PALLD: variants seen among roughly 807,000 people sequenced by gnomAD.
The protein encoded by PALLD is palladin.
PALLD carries 61 observed loss-of-function variants against 123.5 expected under a neutral mutation model. The observed-to-expected ratio is 0.49, with a 90% CI of 0.40 to 0.61. The LOEUF is 0.61. Among genes scored for constraint, PALLD ranks in the 20% least tolerant of loss-of-function variants. The pLI, the probability that PALLD is intolerant of heterozygous loss-of-function variation, is 0.00. For missense variants in PALLD, 1,273 were observed against 1,377.0 expected (o/e 0.92, Z 1.20); for synonymous variants, 465 against 496.4 (o/e 0.94, Z 0.84).
chr4:168,667,126 T>C (rs1375342091), intron 2 of PALLD, among the ~76,000 whole-genome samples: 1 of 152,186 alleles, frequency 6.6e-6, no homozygotes, highest in Non-Finnish European at 1.5e-5. Context: ...ACTCATTTGC[T>C]TTATTAACTT....
chr4:168,907,035 T>TTCTA (rs984693922), intron 15 of PALLD, among the ~76,000 whole-genome samples: 1 of 152,150 alleles, frequency 6.6e-6, no homozygotes, highest in Non-Finnish European at 1.5e-5. Context: ...TCAGCTGGAA[T>TTCTA]TCTAGCTCTG....
intron 2 of PALLD, among the ~76,000 whole-genome samples, chr4:168,651,636 C>G (rs556435150): frequency 6.6e-6 from 1 of 152,092 alleles, no homozygotes; most frequent in Non-Finnish European, 1.5e-5. Flanking sequence ...ACCTCTAATC[C>G]CAGCAGAATT....
chr4:168,656,178 A>G (rs111327111), intron 2 of PALLD, among the ~76,000 whole-genome samples: 14 of 151,942 alleles, frequency 9.2e-5, no homozygotes, highest in African/African-American at 2.7e-4. Flanking sequence ...CTGAATGTGC[A>G]CCTCTAGCTG....
At chr4:168,557,552 T>C (rs1338562091) in intron 2 of PALLD, among the ~76,000 whole-genome samples, 1 of 152,194 alleles carries the variant, frequency 6.6e-6, no homozygotes, top group East Asian at 1.9e-4. Flanking sequence ...CTAGGACAAC[T>C]CAAGAAGTAA....
Position 168,681,396 on chromosome 4 carries a change from A to T in PALLD, c.1152A>T (p.Pro384=), listed in dbSNP as rs774645499. 1.9e-6 allele frequency: 3 copies of T among 1,589,298 alleles called. No individual in the cohort carries two copies. The highest frequency in any genetic ancestry group is 2.6e-6 in the Non-Finnish European group (3 of 1,157,740). Residue 384 remains proline, a splice_region_variant and synonymous_variant, in exon 4 of 22, where the codon CCA becomes CCT. Transcript: ENST00000505667. ...LAFKSRAGAM[P]QAQKKTTSVS... ...TCAAATCAAGAGCTGGAGCTATGCC[A>T]CAGTAAGTGCCTACAATTCCATCGA...
intron 8 of PALLD, among the ~76,000 whole-genome samples, chr4:168,708,212 T>C (rs1784399334): frequency 6.6e-6 from 1 of 152,238 alleles, no homozygotes; most frequent in Admixed American, 6.5e-5. Context: ...CTATGTTAAG[T>C]GCTGGTAACA....
chr4:168,865,968 CTGTCGGTGA>C (rs1750213152), intron 10 of PALLD, among the ~76,000 whole-genome samples: 1 of 152,062 alleles, frequency 6.6e-6, no homozygotes, highest in Non-Finnish European at 1.5e-5. Context: ...TAAAAAAGGG[CTGTCGGTGA>C]TTTAAAAACA....
intron 2 of PALLD, among the ~76,000 whole-genome samples, chr4:168,644,091 CT>C (rs10719083): frequency 0.21 from 29,362 of 138,660 alleles, 3,182 homozygotes; most frequent in African/African-American, 0.31. Flanking sequence ...ATGTTGATAT[CT>C]TTTTTTTTTT....
intron 8 of PALLD, among the ~76,000 whole-genome samples, chr4:168,703,534 A>G (rs1484492202): frequency 4.2e-3 from 478 of 114,262 alleles, no homozygotes; most frequent in East Asian, 0.017. Context: ...AACAGTGTAA[A>G]AGTGTTCCTA....
chr4:168,728,872 C>T (rs1367644753), intron 10 of PALLD, among the ~76,000 whole-genome samples: 1 of 152,098 alleles, frequency 6.6e-6, no homozygotes, highest in Non-Finnish European at 1.5e-5. Flanking sequence ...CTCTTCCCCC[C>T]AAGGCCCCAA....
At chr4:168,712,731 T>C (rs1253769553) in intron 10 of PALLD, among the ~76,000 whole-genome samples, 1 of 152,152 alleles carries the variant, frequency 6.6e-6, no homozygotes, top group Non-Finnish European at 1.5e-5. Context: ...GTATGTATTC[T>C]ATGAGGTCAC....
Position 168,853,803 on chromosome 4 carries a change from T to G in PALLD, c.1965-37119T>G, listed in dbSNP as rs980694709. Among the ~76,000 whole-genome samples, 10 of 152,126 alleles carry G rather than the reference T, an allele frequency of 6.6e-5. 1 individual carries two copies. The highest frequency in any genetic ancestry group is 2.4e-4 in the African/African-American group (10 of 41,430). On this transcript the variant is annotated intron_variant, in intron 10 of 21. Coordinates refer to ENST00000505667, the MANE Select transcript of PALLD (RefSeq NM_001166108.2). ...AAGTCAAGAGTCACAGGATTCCATGTGGTTTTTGAAACTGGCTGCATGGAA... is the reference window on the plus strand; with the variant it reads ...AAGTCAAGAGTCACAGGATTCCATGGGGTTTTTGAAACTGGCTGCATGGAA...
intron 3 of PALLD, among the ~76,000 whole-genome samples, chr4:168,679,326 G>A (rs1017291109): frequency 1.0e-5 from 1 of 98,742 alleles, no homozygotes; most frequent in Non-Finnish European, 2.1e-5. Context: ...TGCGGTGGGG[G>A]GTATATGTGT....
intron 10 of PALLD, among the ~76,000 whole-genome samples, chr4:168,866,481 C>G (rs1298490263): frequency 6.6e-6 from 1 of 152,044 alleles, no homozygotes; most frequent in Non-Finnish European, 1.5e-5. Context: ...CTTGATTTTT[C>G]TCAGAAATTT....
intron 2 of PALLD, among the ~76,000 whole-genome samples, chr4:168,586,030 AT>A (rs373870726): frequency 3.9e-4 from 60 of 152,014 alleles, no homozygotes; most frequent in African/African-American, 1.4e-3. Flanking sequence ...ATGTCCTCAT[AT>A]TTTGGTAATT....
intron 10 of PALLD, among the ~76,000 whole-genome samples, chr4:168,852,547 A>G (rs1279512164): frequency 4.6e-5 from 7 of 152,324 alleles, no homozygotes; most frequent in South Asian, 2.1e-4. Flanking sequence ...AGGCTGAGGC[A>G]GGAGGATTGC....
At chr4:168,649,231 C>T (rs1331200221) in intron 2 of PALLD, among the ~76,000 whole-genome samples, 1 of 152,172 alleles carries the variant, frequency 6.6e-6, no homozygotes, top group Non-Finnish European at 1.5e-5. Flanking sequence ...ATGAGATAAT[C>T]GCTGGCTGGT....
intron 2 of PALLD, among the ~76,000 whole-genome samples, chr4:168,603,676 G>A (rs1171328900): frequency 1.3e-5 from 2 of 152,060 alleles, no homozygotes; most frequent in African/African-American, 2.4e-5. Flanking sequence ...CATTCTCTTC[G>A]TTAAAAATGA....
chr4:168,747,239 T>C (rs1581252011), intron 10 of PALLD, among the ~76,000 whole-genome samples: 2 of 152,334 alleles, frequency 1.3e-5, no homozygotes. Flanking sequence ...GTAGATCACT[T>C]GCCACCACAG....
Sources: gnomAD v4.1 joint callset for allele counts (sites outside exome capture counted in the v4.1 genomes callset) on GRCh38, gnomAD v4.1.1 for gene constraint, MANE v1.5 for transcripts, NCBI Gene and HGNC (gene_info 2026-07-23, HGNC 2026-07-21) for gene names.